The following NTM variants were observed in gnomAD, a reference collection of about 807,000 sequenced individuals.
The protein encoded by NTM is neurotrimin, also known as IgLON family member 2.
Under a neutral mutation model 42.1 loss-of-function variants are expected in NTM, and 13 were observed. That is an observed-to-expected ratio of 0.31 (90% CI 0.20 to 0.49). The LOEUF (loss-of-function observed/expected upper bound fraction) is 0.49. NTM is among the 20% of genes least tolerant of loss of function. The probability of loss-of-function intolerance (pLI) is 0.99; values close to 1 mark genes in which losing one functional copy is unlikely to be tolerated. For synonymous variants in NTM, 187 were observed against 179.2 expected (o/e 1.04, Z -0.35); for missense variants, 373 against 452.8 (o/e 0.82, Z 1.60).
intron 2 of NTM, among the ~76,000 whole-genome samples, chr11:132,141,777 T>C (rs2069206189): frequency 6.6e-6 from 1 of 152,224 alleles, no homozygotes; most frequent in South Asian, 2.1e-4. Flanking sequence ...GGAAAACACA[T>C]GCCTTTTCCA....
At chr11:131,762,196 C>G (rs996845401) in intron 1 of NTM, among the ~76,000 whole-genome samples, 31 of 152,220 alleles carry the variant, frequency 2.0e-4, no homozygotes, top group African/African-American at 7.0e-4. Flanking sequence ...TCTTTGGTAT[C>G]TGAAGGAAAT....
Position 131,910,291 on chromosome 11 carries a change from G to C in NTM, c.83-1273G>C, listed in dbSNP as rs904917419. ...CATGCTGCAGGGTGTTCCTTTCCCA[G>C]TTAATTAGTTTGTGACCCTTATTAA... is the stretch of plus-strand genomic sequence containing the variant. On this transcript the variant is annotated intron_variant, in intron 1 of 8. Coordinates refer to ENST00000683400, the MANE Select transcript of NTM (RefSeq NM_001352005.2). 3.9e-5 allele frequency among the ~76,000 whole-genome samples: 6 copies of C among 152,312 alleles called. No individual in the cohort carries two copies. In the East Asian group the frequency reaches 7.8e-4, roughly 20 times the overall value.
At chr11:131,595,625 A>G (rs115840711) in intron 1 of NTM, among the ~76,000 whole-genome samples, 1,983 of 152,326 alleles carry the variant, frequency 0.013, 48 homozygotes, top group African/African-American at 0.046. Context: ...AGATGAAAGA[A>G]AGGAAGCTTG....
At chr11:132,215,789 A>G (rs750864768) in intron 4 of NTM, among the ~76,000 whole-genome samples, 5 of 152,254 alleles carry the variant, frequency 3.3e-5, no homozygotes, top group Admixed American at 6.5e-5. Flanking sequence ...GACTCTGCAC[A>G]ACTGGTTTGA....
chr11:131,375,226 C>G (rs972285264), intron 1 of NTM, among the ~76,000 whole-genome samples: 1 of 152,166 alleles, frequency 6.6e-6, no homozygotes, highest in Admixed American at 6.5e-5. Flanking sequence ...GGCCGGGGAG[C>G]GACTCCCCTG....
chr11:131,535,607 C>T (rs535223402), intron 1 of NTM: 34 of 152,370 alleles, frequency 2.2e-4, no homozygotes, highest in African/African-American at 7.7e-4. Flanking sequence ...AGGCTTCACA[C>T]TTAAGTCCTC....
At chr11:132,112,723 AC>A (rs2063383028) in intron 2 of NTM, among the ~76,000 whole-genome samples, 1 of 60,132 alleles carries the variant, frequency 1.7e-5, no homozygotes. Flanking sequence ...ACACTTACAC[AC>A]ACACACACAC....
chr11:131,807,231 C>T (rs539099347), intron 1 of NTM, among the ~76,000 whole-genome samples: 6 of 152,144 alleles, frequency 3.9e-5, no homozygotes, highest in African/African-American at 1.2e-4. Flanking sequence ...AGGAATACCA[C>T]GCTTGGGAAT....
chr11:131,869,855 C>T (rs996110868), intron 1 of NTM, among the ~76,000 whole-genome samples: 22 of 152,192 alleles, frequency 1.4e-4, no homozygotes, highest in African/African-American at 5.1e-4. Flanking sequence ...TCTGTGAGCA[C>T]GGCTCTCACT....
intron 1 of NTM, among the ~76,000 whole-genome samples, chr11:131,526,946 G>A (rs1444528274): frequency 2.0e-5 from 3 of 152,184 alleles, no homozygotes; most frequent in Non-Finnish European, 4.4e-5. Flanking sequence ...AGACCTCGAG[G>A]TATTCCCTTG....
At chr11:132,158,930 A>G (rs2073763454) in intron 3 of NTM, among the ~76,000 whole-genome samples, 1 of 152,228 alleles carries the variant, frequency 6.6e-6, no homozygotes, top group Non-Finnish European at 1.5e-5. Flanking sequence ...CAGGAATGAT[A>G]GAGGCGCACC....
intron 1 of NTM, among the ~76,000 whole-genome samples, chr11:131,495,657 A>T (rs868800656): frequency 6.6e-6 from 1 of 152,182 alleles, no homozygotes; most frequent in African/African-American, 2.4e-5. Flanking sequence ...GCCGGCCTGG[A>T]AACAGGGTTG....
chr11:131,910,410 G>T (rs1311432117), intron 1 of NTM, among the ~76,000 whole-genome samples: 2 of 151,694 alleles, frequency 1.3e-5, no homozygotes, highest in Non-Finnish European at 2.9e-5. Context: ...CCTGGCCTGG[G>T]CTGGGCTGGT....
chr11:131,425,740 G>C (rs1948069540), intron 1 of NTM, among the ~76,000 whole-genome samples: 1 of 152,158 alleles, frequency 6.6e-6, no homozygotes, highest in South Asian at 2.1e-4. Flanking sequence ...GTATCTATAG[G>C]AATCATGATG....
At chr11:132,171,654 C>T (rs2076138365) in intron 3 of NTM, among the ~76,000 whole-genome samples, 1 of 152,212 alleles carries the variant, frequency 6.6e-6, no homozygotes, top group Admixed American at 6.5e-5. Flanking sequence ...TCCTTTCACA[C>T]ACTTGGAATG....
chr11:132,097,836 C>T (rs554907553), intron 2 of NTM, among the ~76,000 whole-genome samples: 7 of 152,322 alleles, frequency 4.6e-5, no homozygotes, highest in South Asian at 2.1e-4. Flanking sequence ...AAAAGGGTTC[C>T]GGCATTGGTT....
chr11:131,659,335 G>A (rs1232242543), intron 1 of NTM, among the ~76,000 whole-genome samples: 1 of 152,194 alleles, frequency 6.6e-6, no homozygotes, highest in African/African-American at 2.4e-5. Context: ...ATCCTAGTGT[G>A]CAGGGTGCTT....
chr11:131,827,447 G>A (rs959000314), intron 1 of NTM, among the ~76,000 whole-genome samples: 8 of 152,282 alleles, frequency 5.3e-5, no homozygotes, highest in African/African-American at 1.9e-4. Context: ...AGAAAGGATT[G>A]TAGAAGGGGA....
intron 1 of NTM, among the ~76,000 whole-genome samples, chr11:131,623,182 G>A (rs574149166): frequency 6.6e-6 from 1 of 152,290 alleles, no homozygotes; most frequent in South Asian, 2.1e-4. Context: ...TTTGCAATCA[G>A]ACTATCAAGG....
Sources: allele counts gnomAD v4.1 joint callset (sites outside exome capture counted in the v4.1 genomes callset), GRCh38; gene constraint gnomAD v4.1.1; transcripts MANE v1.5; gene names NCBI Gene and HGNC (gene_info 2026-07-23, HGNC 2026-07-21).